Variants in BRCA1 observed in about 807,000 individuals in gnomAD.
The protein encoded by BRCA1 is breast cancer type 1 susceptibility protein.
In BRCA1, 140 loss-of-function variants were observed where a neutral mutation model predicts 173.7. The observed-to-expected ratio is 0.81, with a 90% CI of 0.70 to 0.93. The LOEUF (loss-of-function observed/expected upper bound fraction) is 0.93. Among genes scored for constraint, BRCA1 ranks in the 40% least tolerant of loss-of-function variants. BRCA1 has a pLI of 0.00. For missense variants in BRCA1, 1,983 were observed against 2,172.5 expected (o/e 0.91, Z 1.73); for synonymous variants, 662 against 756.0 (o/e 0.88, Z 2.04).
chr17:43,099,926 T>C (rs1426777259), intron 6 of BRCA1, 46 bp from the exon 7 acceptor site: 3 of 1,444,388 alleles, frequency 2.1e-6, no homozygotes, highest in East Asian at 2.3e-5. Flanking sequence ...TGGCCAGTTC[T>C]GTGCTTTTCC....
upstream of BRCA1, among the ~76,000 whole-genome samples, chr17:43,127,758 C>T (rs1416572722): frequency 6.6e-6 from 1 of 152,088 alleles, no homozygotes; most frequent in Non-Finnish European, 1.5e-5. Context: ...GTGCCAGTGG[C>T]TCACACCTGT....
Position 43,142,982 on chromosome 17 carries a change from A to G in BRCA1, c.-19-18867T>C, listed in dbSNP as rs527991029. Reference sequence around the variant, plus strand: ...TGTGTGTGTGTATATATATGTGTGTATATATATATGTATATATGTATATAT... The same window carrying G: ...TGTGTGTGTGTATATATATGTGTGTGTATATATATGTATATATGTATATAT... On this transcript the variant is annotated intron_variant, in intron 1 of 7. Transcript: ENST00000634433. 9.1e-4 allele frequency among the ~76,000 whole-genome samples: 135 copies of G among 147,678 alleles called. 3 individuals carry two copies. Among genetic ancestry groups the G allele is most frequent in the Middle Eastern group, 7.5e-3 (2 of 268 alleles).
chr17:43,091,492 T>A lies in BRCA1; in HGVS notation c.4039A>T (p.Arg1347Ter), dbSNP rs28897689. The A allele has an allele frequency of 6.2e-7, 1 of 1,613,540 alleles. No homozygotes were observed. Among genetic ancestry groups the A allele is most frequent in the South Asian group, 1.1e-5 (1 of 91,060 alleles). ...TTATTTTCTTCCAAGCCCGTTCCTC[T>A]TTCTTCATCATCTGAAACCAATTCC... Reference protein sequence around the residue: ...DKELVSDDEERGTGLEENNQE... With the variant: ...DKELVSDDEE The change falls in exon 10 of 23, where the codon AGA (arginine) becomes TGA (stop). Residue 1347 changes from arginine (R) to a stop codon, truncating the protein, a stop_gained. Coordinates refer to ENST00000357654, the MANE Select transcript of BRCA1 (RefSeq NM_007294.4). LOFTEE classifies it high-confidence loss of function.
chr17:43,066,272 C>T (rs536760321), intron 16 of BRCA1, among the ~76,000 whole-genome samples: 1 of 152,276 alleles, frequency 6.6e-6, no homozygotes, highest in South Asian at 2.1e-4. Context: ...GACAAATGAT[C>T]TGTCTCCTCC....
chr17:43,044,471 C>A lies in BRCA1; in HGVS notation c.*1207G>T, dbSNP rs2050786978. On this transcript the variant is annotated 3_prime_UTR_variant, in exon 23 of 23. Coordinates refer to ENST00000357654, the MANE Select transcript of BRCA1 (RefSeq NM_007294.4). ...GGGTTTATGAAAAACACTTTTTCTT[C>A]CTTCAGCAAGCAAAATTATTTATGA... The A allele has an allele frequency of 2.0e-6, 1 of 509,626 alleles. No homozygotes were observed. Among genetic ancestry groups the A allele is most frequent in the African/African-American group, 1.9e-5 (1 of 52,396 alleles). The allele number at this position is 509,626 out of a possible 1,614,324, so 31.6% of individuals were successfully genotyped here. A position where few individuals can be genotyped will look rare whatever the true frequency, so the allele number is the denominator to read the frequency against.
At chr17:43,069,710 T>C (rs2052301784) in intron 15 of BRCA1, among the ~76,000 whole-genome samples, 1 of 152,168 alleles carries the variant, frequency 6.6e-6, no homozygotes, top group Non-Finnish European at 1.5e-5. Context: ...CACAGCTTAC[T>C]TTGCCCTTTT....
At chr17:43,129,105 A>G (rs2154581285), upstream of BRCA1, among the ~76,000 whole-genome samples, 1 of 152,362 alleles carries the variant, frequency 6.6e-6, no homozygotes, top group Non-Finnish European at 1.5e-5. Context: ...TGCCAAGACA[A>G]GGTGAGTCAG....
intron 15 of BRCA1, among the ~76,000 whole-genome samples, chr17:43,068,287 A>C: frequency 6.6e-6 from 1 of 152,074 alleles, no homozygotes; most frequent in East Asian, 1.9e-4. Context: ...AAAAAAAAAA[A>C]AAAGATACCT....
chr17:43,108,175 T>C (rs185939239), intron 3 of BRCA1, among the ~76,000 whole-genome samples: 1 of 151,940 alleles, frequency 6.6e-6, no homozygotes, highest in Admixed American at 6.6e-5. Flanking sequence ...CTGTCTCTAC[T>C]AAATATTCAA....
At position 43,115,719 on chromosome 17, in the gene BRCA1, AACTT is replaced by A. The variant is rs397508858; in HGVS notation, c.134+3_134+6del. ...ATAATGGAGCCACATAACACATTCA[AACTT>A]ACTTGCAAAATATGTGGTCACACTT... On this transcript the variant is annotated splice_donor_5th_base_variant and intron_variant, in intron 3 of 22. Transcript: ENST00000357654. 2 of 1,612,986 alleles carry A rather than the reference AACTT, an allele frequency of 1.2e-6. No homozygotes were observed. The highest frequency in any genetic ancestry group is 1.7e-6 in the Non-Finnish European group (2 of 1,179,348).
At position 43,074,362 on chromosome 17, in the gene BRCA1, C is replaced by T. The variant is rs28897692; in HGVS notation, c.4644G>A (p.Thr1548=). ...QLEESGPHDL[T]ETSYLPRQDL... ...CTTGCCTTGGCAAGTAAGATGTTTCCGTCAAATCGTGTGGCCCAGACTCTT... is the reference window on the plus strand; with the variant it reads ...CTTGCCTTGGCAAGTAAGATGTTTCTGTCAAATCGTGTGGCCCAGACTCTT... The change falls in exon 14 of 23, where the codon ACG becomes ACA. Residue 1548 remains threonine, a synonymous_variant. Coordinates refer to ENST00000357654, the MANE Select transcript of BRCA1 (RefSeq NM_007294.4). The T allele has an allele frequency of 1.4e-4, 223 of 1,613,864 alleles. No homozygotes were observed. Among genetic ancestry groups the T allele is most frequent in the Non-Finnish European group, 1.9e-4 (219 of 1,179,950 alleles).
intron 21 of BRCA1, among the ~76,000 whole-genome samples, chr17:43,048,253 A>C (rs943409874): frequency 6.6e-6 from 1 of 151,820 alleles, no homozygotes; most frequent in Non-Finnish European, 1.5e-5. Flanking sequence ...CCCGGGCTGG[A>C]GTGCAGTGGC....
intron 1 of BRCA1, among the ~76,000 whole-genome samples, chr17:43,139,198 T>C (rs1213633286): frequency 3.3e-5 from 5 of 150,680 alleles, no homozygotes; most frequent in African/African-American, 1.2e-4. Context: ...TTTAAATTTA[T>C]CATTTTTCTT....
In BRCA1 at chr17:43,099,790, C is replaced by G. The variant is rs1259369962; in HGVS notation, c.532G>C (p.Val178Leu). The G allele has an allele frequency of 1.2e-6, 2 of 1,609,352 alleles. No individual in the cohort carries two copies. The highest frequency in any genetic ancestry group is 2.2e-5 in the East Asian group (1 of 44,874). ...KQRIQPQKTS[V>L]YIELGSDSSE... ...AGACCCTTACCCAATTCAATGTAGACAGACGTCTTTTGAGGTTGTATCCGC... is the reference window on the plus strand; with the variant it reads ...AGACCCTTACCCAATTCAATGTAGAGAGACGTCTTTTGAGGTTGTATCCGC... The change falls in exon 7 of 23, where the codon GTC becomes CTC. Residue 178 changes from valine to leucine, a missense_variant. Physicochemically the swap from Val to Leu is conservative, Grantham distance 32 (BLOSUM62 1). Transcript: ENST00000357654.
chr17:43,083,475 A>G (rs1375043885), intron 11 of BRCA1, among the ~76,000 whole-genome samples: 1 of 152,216 alleles, frequency 6.6e-6, no homozygotes, highest in Non-Finnish European at 1.5e-5. Flanking sequence ...AGTTTCTAAC[A>G]GAAAAAGCAA....
At chr17:43,159,001 C>T (rs2056215475) in intron 1 of BRCA1, among the ~76,000 whole-genome samples, 1 of 152,134 alleles carries the variant, frequency 6.6e-6, no homozygotes, top group Non-Finnish European at 1.5e-5. Flanking sequence ...TTTGAGAGGC[C>T]AAGGTGGGTA....
In BRCA1 at chr17:43,093,931, G is replaced by C. The variant is rs142074233; in HGVS notation, c.1600C>G (p.Gln534Glu). The change falls in exon 10 of 23, where the codon CAG (glutamine) becomes GAG (glutamate). Residue 534 changes from glutamine to glutamate, a missense_variant. By Grantham distance (29) the Gln-to-Glu change is conservative. Coordinates refer to ENST00000357654, the MANE Select transcript of BRCA1 (RefSeq NM_007294.4). Reference sequence around the variant, plus strand: ...TTCTGCTCCGTTTGGTTAGTTCCCTGATTTATCATTTCAGGAGTCTTTTGA... The same window carrying C: ...TTCTGCTCCGTTTGGTTAGTTCCCTCATTTATCATTTCAGGAGTCTTTTGA... ...AVQKTPEMIN[Q>E]GTNQTEQNGQ... The C allele has an allele frequency of 3.1e-6, 5 of 1,613,686 alleles. No individual in the cohort carries two copies. The highest frequency in any genetic ancestry group is 4.2e-6 in the Non-Finnish European group (5 of 1,179,942).
chr17:43,140,651 G>T (rs1214637571), intron 1 of BRCA1, among the ~76,000 whole-genome samples: 5 of 152,120 alleles, frequency 3.3e-5, no homozygotes, highest in Admixed American at 6.5e-5. Flanking sequence ...CCGACCAAGA[G>T]CAGAACCACG....
At chr17:43,077,092 G>A (rs919662028) in intron 12 of BRCA1, among the ~76,000 whole-genome samples, 11 of 152,038 alleles carry the variant, frequency 7.2e-5, no homozygotes, top group East Asian at 3.9e-4. Flanking sequence ...TCTGCATGTC[G>A]GGGGTAAACA....
Sources: allele counts gnomAD v4.1 joint callset (sites outside exome capture counted in the v4.1 genomes callset), GRCh38; gene constraint gnomAD v4.1.1; transcripts MANE v1.5; gene names NCBI Gene and HGNC (gene_info 2026-07-23, HGNC 2026-07-21).